PABPC4L: variants seen among roughly 807,000 people sequenced by gnomAD.
The protein encoded by PABPC4L is poly(A) binding protein cytoplasmic 4 like.
For synonymous variants in PABPC4L, 169 were observed against 164.1 expected (o/e 1.03, Z -0.23); for missense variants, 452 against 451.4 (o/e 1.00, Z -0.01).
the PABPC4L span, among the ~76,000 whole-genome samples, chr4:134,173,941 T>C: frequency 6.6e-5 from 10 of 152,128 alleles, no homozygotes; most frequent in African/African-American, 2.4e-4. Flanking sequence ...TTTGTTAACT[T>C]TTGTGCTCTT....
the PABPC4L span, among the ~76,000 whole-genome samples, chr4:133,950,144 G>C: frequency 7.9e-5 from 12 of 152,072 alleles, no homozygotes; most frequent in Admixed American, 6.6e-4. Flanking sequence ...TAGCATCCTC[G>C]AGTTTAACTG....
the PABPC4L span, among the ~76,000 whole-genome samples, chr4:134,041,871 T>A: frequency 1.3e-5 from 2 of 152,014 alleles, no homozygotes; most frequent in African/African-American, 2.4e-5. Flanking sequence ...CATGGAGATT[T>A]CCCAAACAAC....
At chr4:134,076,000 T>C in the PABPC4L span, among the ~76,000 whole-genome samples, 1 of 151,738 alleles carries the variant, frequency 6.6e-6, no homozygotes, top group East Asian at 1.9e-4. Context: ...CAATCATTTC[T>C]TATAATAGGA....
At chr4:134,125,569 T>G in the PABPC4L span, among the ~76,000 whole-genome samples, 1 of 152,032 alleles carries the variant, frequency 6.6e-6, no homozygotes, top group Admixed American at 6.6e-5. Flanking sequence ...GAAAATTAAA[T>G]AAATTAAAAG....
the PABPC4L span, among the ~76,000 whole-genome samples, chr4:134,007,179 T>C: frequency 6.6e-6 from 1 of 151,868 alleles, no homozygotes. Context: ...AGACTAAGCA[T>C]AAGATATGAG....
the PABPC4L span, among the ~76,000 whole-genome samples, chr4:134,083,247 C>G: frequency 6.6e-6 from 1 of 152,104 alleles, no homozygotes; most frequent in South Asian, 2.1e-4. Context: ...CTCTGTTTAT[C>G]CTCCACTTTC....
At chr4:134,110,005 T>A in the PABPC4L span, among the ~76,000 whole-genome samples, 4 of 152,090 alleles carry the variant, frequency 2.6e-5, no homozygotes, top group African/African-American at 9.7e-5. Context: ...AATGCAATTA[T>A]GTCATTCATT....
the PABPC4L span, among the ~76,000 whole-genome samples, chr4:134,176,773 A>G: frequency 6.6e-6 from 1 of 152,084 alleles, no homozygotes; most frequent in Non-Finnish European, 1.5e-5. Flanking sequence ...AAGGGTAAGT[A>G]AGGGTGCCCA....
chr4:134,178,791 G>C, the PABPC4L span, among the ~76,000 whole-genome samples: 2 of 151,976 alleles, frequency 1.3e-5, no homozygotes, highest in Non-Finnish European at 2.9e-5. Flanking sequence ...GTTGAGAAAA[G>C]AATTTCAGAG....
At chr4:134,102,188 C>A in the PABPC4L span, among the ~76,000 whole-genome samples, 28 of 151,576 alleles carry the variant, frequency 1.8e-4, no homozygotes, top group African/African-American at 6.7e-4. Context: ...AAAATAATTT[C>A]TATGCCAGTC....
chr4:133,949,464 C>T, the PABPC4L span, among the ~76,000 whole-genome samples: 1 of 152,200 alleles, frequency 6.6e-6, no homozygotes, highest in Non-Finnish European at 1.5e-5. Flanking sequence ...TAATCCTAAT[C>T]ATATCCACCC....
the PABPC4L span, among the ~76,000 whole-genome samples, chr4:133,982,523 T>C: frequency 2.0e-5 from 3 of 152,068 alleles, no homozygotes; most frequent in African/African-American, 7.2e-5. Flanking sequence ...TGGTTGAATA[T>C]GCATAATTAT....
the PABPC4L span, among the ~76,000 whole-genome samples, chr4:133,966,081 C>T: frequency 6.6e-6 from 1 of 152,082 alleles, no homozygotes; most frequent in African/African-American, 2.4e-5. Context: ...TAACAAAGGT[C>T]TAATATTCAG....
the PABPC4L span, among the ~76,000 whole-genome samples, chr4:134,047,811 G>GTTTTTT: frequency 2.0e-5 from 3 of 147,368 alleles, no homozygotes; most frequent in Non-Finnish European, 3.0e-5. Flanking sequence ...CTGCACCAGG[G>GTTTTTT]TTTTTTTTTT....
the PABPC4L span, among the ~76,000 whole-genome samples, chr4:134,156,097 A>T: frequency 6.6e-6 from 1 of 151,976 alleles, no homozygotes; most frequent in Non-Finnish European, 1.5e-5. Context: ...AGACCCAAAG[A>T]GAATGTATGT....
rs759959132 is a variant in PABPC4L at position 134,200,129 on chromosome 4, A to C, written c.891T>G (p.Ile297Met). Residue 297 changes from isoleucine (I) to methionine (M), a missense_variant, in exon 2 of 2, where the codon ATT (isoleucine) becomes ATG (methionine). By Grantham distance (10) the Ile-to-Met change is conservative. Coordinates refer to ENST00000421491, the MANE Select transcript of PABPC4L (RefSeq NM_001114734.2). Reference protein sequence around the residue: ...IRGCQGVKLYIKNLDDTIDDE... With the variant: ...IRGCQGVKLYMKNLDDTIDDE... ...CATCGATGGTGTCATCAAGGTTCTT[A>C]ATATAGAGTTTTACCCCCTGGCACC... The C allele has an allele frequency of 6.4e-7, 1 of 1,551,638 alleles. No homozygotes were observed. The highest frequency in any genetic ancestry group is 1.2e-5 in the South Asian group (1 of 84,066).
the PABPC4L span, among the ~76,000 whole-genome samples, chr4:134,078,131 T>A: frequency 6.6e-6 from 1 of 152,182 alleles, no homozygotes; most frequent in East Asian, 1.9e-4. Context: ...CCCCTGGACT[T>A]AACATAAGTA....
chr4:134,188,383 T>A, the PABPC4L span, among the ~76,000 whole-genome samples: 1 of 152,142 alleles, frequency 6.6e-6, no homozygotes, highest in African/African-American at 2.4e-5. Context: ...TACCTTCAAT[T>A]ATTTCTTCAC....
chr4:134,005,009 A>T, the PABPC4L span, among the ~76,000 whole-genome samples: 2 of 151,904 alleles, frequency 1.3e-5, no homozygotes, highest in Non-Finnish European at 2.9e-5. Context: ...CAAAGTTTCA[A>T]TTAGACAAGA....
Sources: allele counts gnomAD v4.1 joint callset (sites outside exome capture counted in the v4.1 genomes callset), GRCh38; gene constraint gnomAD v4.1.1; transcripts MANE v1.5; gene names NCBI Gene and HGNC (gene_info 2026-07-23, HGNC 2026-07-21).